KLHL1: variants seen among roughly 807,000 people sequenced by gnomAD.
The protein encoded by KLHL1 is kelch-like protein 1.
A neutral mutation model predicts 77.7 loss-of-function variants in KLHL1; 47 were observed. The observed-to-expected ratio is 0.60, with a 90% CI of 0.48 to 0.77. KLHL1 has a LOEUF of 0.77. Among genes scored for constraint, KLHL1 ranks in the 30% least tolerant of loss-of-function variants. The probability of loss-of-function intolerance (pLI) is 0.00; values close to 1 mark genes in which losing one functional copy is unlikely to be tolerated. For missense variants in KLHL1, 925 were observed against 910.8 expected (o/e 1.02, Z -0.20); for synonymous variants, 360 against 325.2 (o/e 1.11, Z -1.15).
chr13:69,870,298 C>T (rs1420885533), intron 5 of KLHL1, among the ~76,000 whole-genome samples: 1 of 152,068 alleles, frequency 6.6e-6, no homozygotes, highest in African/African-American at 2.4e-5. Flanking sequence ...TTTTTAGCAA[C>T]ATCTCTCCAG....
chr13:70,093,866 T>C (rs1887728039), intron 1 of KLHL1, among the ~76,000 whole-genome samples: 1 of 152,194 alleles, frequency 6.6e-6, no homozygotes, highest in Non-Finnish European at 1.5e-5. Flanking sequence ...AACTGTCTTA[T>C]TATACACTTT....
At chr13:70,016,733 T>C (rs559074665) in intron 1 of KLHL1, among the ~76,000 whole-genome samples, 4 of 152,230 alleles carry the variant, frequency 2.6e-5, no homozygotes, top group East Asian at 3.9e-4. Flanking sequence ...GACAGGCTCC[T>C]GGACAAAAAG....
chr13:70,035,609 A>T lies in KLHL1; in HGVS notation c.498-59807T>A, dbSNP rs183866987. Reference sequence around the variant, plus strand: ...TCTTTTTATGAAAGTTTGGAAAGACATGGATAAAACAACCATGTCCCTCTA... The same window carrying T: ...TCTTTTTATGAAAGTTTGGAAAGACTTGGATAAAACAACCATGTCCCTCTA... On this transcript the variant is annotated intron_variant, in intron 1 of 10. Transcript: ENST00000377844. Among the ~76,000 whole-genome samples, 213 of 152,222 alleles carry T rather than the reference A, an allele frequency of 1.4e-3. 2 individuals are homozygous for T. The highest frequency in any genetic ancestry group is 1.2e-3 in the Non-Finnish European group (80 of 67,942).
At chr13:69,975,893 A>C in intron 1 of KLHL1, 91 bp from the exon 2 acceptor site, 1 of 1,366,834 alleles carries the variant, frequency 7.3e-7, no homozygotes, top group Non-Finnish European at 9.4e-7. Flanking sequence ...GGTTTTTATC[A>C]TTTTCTTAAG....
intron 5 of KLHL1, among the ~76,000 whole-genome samples, chr13:69,855,868 T>A (rs941415714): frequency 6.9e-6 from 1 of 144,576 alleles, no homozygotes; most frequent in Non-Finnish European, 1.5e-5. Context: ...TAATATATTA[T>A]ATATTATATA....
At chr13:69,947,574 G>T (rs1032178300) in intron 3 of KLHL1, among the ~76,000 whole-genome samples, 9 of 151,494 alleles carry the variant, frequency 5.9e-5, no homozygotes, top group Non-Finnish European at 8.8e-5. Context: ...GAAAAAAAAA[G>T]AATTTTCACA....
At chr13:70,075,466 T>G (rs898427493) in intron 1 of KLHL1, among the ~76,000 whole-genome samples, 4 of 149,624 alleles carry the variant, frequency 2.7e-5, no homozygotes, top group African/African-American at 9.8e-5. Context: ...TTGTTAAAAC[T>G]TATTTGCTCA....
intron 7 of KLHL1, among the ~76,000 whole-genome samples, chr13:69,750,568 T>C (rs1874432818): frequency 6.6e-6 from 1 of 151,788 alleles, no homozygotes; most frequent in South Asian, 2.1e-4. Flanking sequence ...ACCCCCAAAA[T>C]ATATAAGCAT....
At chr13:69,865,780 G>T (rs1013907538) in intron 5 of KLHL1, among the ~76,000 whole-genome samples, 5 of 152,112 alleles carry the variant, frequency 3.3e-5, no homozygotes, top group Non-Finnish European at 2.9e-5. Flanking sequence ...TCTAGGCATT[G>T]TTACTGGACA....
intron 4 of KLHL1, among the ~76,000 whole-genome samples, chr13:69,909,314 G>A (rs552580421): frequency 2.2e-4 from 34 of 151,550 alleles, no homozygotes; most frequent in African/African-American, 8.2e-4. Flanking sequence ...TATGCCAAAG[G>A]GATCTACATT....
chr13:69,788,211 C>CAT (rs576390199), intron 7 of KLHL1, among the ~76,000 whole-genome samples: 1,710 of 152,294 alleles, frequency 0.011, 1 homozygote, highest in African/African-American at 0.038. Context: ...TACATGCACA[C>CAT]ATATGTTTAT....
chr13:70,001,328 CAT>C (rs1593664523), intron 1 of KLHL1, among the ~76,000 whole-genome samples: 1 of 150,600 alleles, frequency 6.6e-6, no homozygotes, highest in East Asian at 2.0e-4. Context: ...ATTTAAAAAC[CAT>C]AGAGGTCATA....
At chr13:69,972,521 C>T (rs1009052061) in intron 2 of KLHL1, among the ~76,000 whole-genome samples, 1 of 151,784 alleles carries the variant, frequency 6.6e-6, no homozygotes, top group Non-Finnish European at 1.5e-5. Flanking sequence ...AATAATACAT[C>T]TGTTGATACA....
chr13:70,073,047 A>G (rs1887174694), intron 1 of KLHL1, among the ~76,000 whole-genome samples: 1 of 152,164 alleles, frequency 6.6e-6, no homozygotes, highest in African/African-American at 2.4e-5. Context: ...TGACCCAGCC[A>G]TCCCATTACT....
intron 1 of KLHL1, among the ~76,000 whole-genome samples, chr13:70,088,006 G>A (rs1887586604): frequency 6.6e-6 from 1 of 152,106 alleles, no homozygotes; most frequent in Admixed American, 6.5e-5. Flanking sequence ...GATAGGTGCA[G>A]CAAATCACCA....
chr13:69,978,683 C>A (rs978783940), intron 1 of KLHL1, among the ~76,000 whole-genome samples: 1 of 151,942 alleles, frequency 6.6e-6, no homozygotes, highest in African/African-American at 2.4e-5. Context: ...GACGGGGTTT[C>A]ACCATGTTTG....
At chr13:69,720,609 T>C (rs902202464) in intron 8 of KLHL1, among the ~76,000 whole-genome samples, 1 of 151,812 alleles carries the variant, frequency 6.6e-6, no homozygotes, top group African/African-American at 2.4e-5. Flanking sequence ...CTGGTGAGGG[T>C]AGAGATTGTG....
At chr13:69,708,501 T>A (rs137944035) in intron 9 of KLHL1, among the ~76,000 whole-genome samples, 93 of 152,060 alleles carry the variant, frequency 6.1e-4, no homozygotes, top group Non-Finnish European at 1.1e-3. Flanking sequence ...GGAGAAATAA[T>A]TATAACATGA....
chr13:69,752,957 T>C (rs942013845), intron 7 of KLHL1, among the ~76,000 whole-genome samples: 1 of 152,142 alleles, frequency 6.6e-6, no homozygotes, highest in Admixed American at 6.6e-5. Context: ...CTATGCATGG[T>C]GGAATTACTA....
Sources: gnomAD v4.1 joint callset for allele counts (sites outside exome capture counted in the v4.1 genomes callset) on GRCh38, gnomAD v4.1.1 for gene constraint, MANE v1.5 for transcripts, NCBI Gene and HGNC (gene_info 2026-07-23, HGNC 2026-07-21) for gene names.